The following AFAP1L2 variants were observed in gnomAD, a reference collection of about 807,000 sequenced individuals.
The protein encoded by AFAP1L2 is actin filament-associated protein 1-like 2.
Under a neutral mutation model 99.3 loss-of-function variants are expected in AFAP1L2, and 46 were observed. That is an observed-to-expected ratio of 0.46 (90% confidence interval 0.37 to 0.59). The LOEUF (loss-of-function observed/expected upper bound fraction) is 0.59. Among genes scored for constraint, AFAP1L2 ranks in the 20% least tolerant of loss-of-function variants. The pLI is 0.00. For synonymous variants in AFAP1L2, 397 were observed against 419.1 expected, an observed-to-expected ratio of 0.95 and a Z score of 0.64; for missense variants, 959 against 1,034.9, an observed-to-expected ratio of 0.93 and a Z score of 1.01.
At chr10:114,319,854 C>G (rs1590121051) in intron 5 of AFAP1L2, among the ~76,000 whole-genome samples, 1 of 152,208 alleles carries the variant, frequency 6.6e-6, no homozygotes, top group South Asian at 2.1e-4. Context: ...TAGATCCAGA[C>G]CCCTTCACAT....
chr10:114,307,399 T>C (rs1458137471), intron 10 of AFAP1L2, among the ~76,000 whole-genome samples: 1 of 152,032 alleles, frequency 6.6e-6, no homozygotes, highest in Admixed American at 6.5e-5. Context: ...GATGGCACAG[T>C]GCGTGCTTAT....
At chr10:114,286,482 A>G in the AFAP1L2 span, 1 of 1,589,648 alleles carries the variant, frequency 6.3e-7, no homozygotes, top group South Asian at 1.1e-5. Flanking sequence ...CCTGAGCTGC[A>G]GGGGAAGCTG....
chr10:114,377,051 G>T lies in AFAP1L2; in HGVS notation c.16+27389C>A, dbSNP rs561230182. 4.6e-5 allele frequency among the ~76,000 whole-genome samples: 7 copies of T among 152,220 alleles called. No homozygotes were observed. The East Asian group carries it at 1.4e-3, about 29-fold the overall frequency. On this transcript the variant is annotated intron_variant, in intron 1 of 18. Coordinates refer to ENST00000304129, the MANE Select transcript of AFAP1L2 (RefSeq NM_001001936.3). The surrounding 1 kb of genome is among the most constrained non-coding windows in gnomAD (Gnocchi z 4.0). ...AACTTGGTGTTTTCAAATATCACTG[G>T]GGGCATTATACAAGACAAGGTCATA...
chr10:114,328,712 A>G (rs887804374), intron 4 of AFAP1L2, among the ~76,000 whole-genome samples: 1 of 152,228 alleles, frequency 6.6e-6, no homozygotes, highest in Admixed American at 6.5e-5. Flanking sequence ...AGCCACAGAC[A>G]TGACTCCACC....
At position 114,304,710 on chromosome 10, in the gene AFAP1L2, C is replaced by T. The variant is rs1452917917; in HGVS notation, c.1284+9G>A. 1 of 1,593,994 alleles carries T rather than the reference C, an allele frequency of 6.3e-7. No individual in the cohort carries two copies. Among genetic ancestry groups the T allele is most frequent in the Non-Finnish European group, 8.5e-7 (1 of 1,172,244 alleles). On this transcript the variant is annotated intron_variant, in intron 11 of 18. Coordinates refer to ENST00000304129, the MANE Select transcript of AFAP1L2 (RefSeq NM_001001936.3). Reference sequence around the variant, plus strand: ...GGCTGGCCCTGCTCCCCCTGCAGGCCGGCGGTACCTCAAGCTTGGCCAGCT... The same window carrying T: ...GGCTGGCCCTGCTCCCCCTGCAGGCTGGCGGTACCTCAAGCTTGGCCAGCT...
Position 114,310,576 on chromosome 10 carries a change from G to T in AFAP1L2, c.793-133C>A, listed in dbSNP as rs571435831. The stretch of plus-strand genomic sequence containing the variant: ...AGAGAGAAGATGAATTTCCAAGGAA[G>T]AGGACCCACCCGACCCCAGCCCCAA... On this transcript the variant is annotated intron_variant, in intron 7 of 18. Coordinates refer to ENST00000304129, the MANE Select transcript of AFAP1L2 (RefSeq NM_001001936.3). 1.0e-4 allele frequency: 80 copies of T among 798,216 alleles called. No individual in the cohort carries two copies. The East Asian group carries it at 1.4e-3, about 14-fold the overall frequency. The allele number at this position is 798,216 out of a possible 1,614,324, so 49.4% of individuals were successfully genotyped here. A position where few individuals can be genotyped will look rare whatever the true frequency, so the allele number is the denominator to read the frequency against.
chr10:114,321,215 T>A (rs1469734062), intron 5 of AFAP1L2, among the ~76,000 whole-genome samples: 1 of 152,200 alleles, frequency 6.6e-6, no homozygotes, highest in African/African-American at 2.4e-5. Flanking sequence ...ATTCGAGTGG[T>A]GTACACTGTA....
chr10:114,375,508 A>C (rs1402344568), intron 1 of AFAP1L2, among the ~76,000 whole-genome samples: 1 of 152,262 alleles, frequency 6.6e-6, no homozygotes, highest in Non-Finnish European at 1.5e-5. Context: ...TGTGATACAG[A>C]TCTACCAATG....
chr10:114,319,486 G>C, intron 5 of AFAP1L2: 5 of 1,130,464 alleles, frequency 4.4e-6, no homozygotes, highest in Non-Finnish European at 5.9e-6. Context: ...GGCCACCCTC[G>C]GGACATGCAC....
rs1385508296 is a variant in AFAP1L2, at chr10:114,343,720, G to T, written c.17-2989C>A. On this transcript the variant is annotated intron_variant, in intron 1 of 18. Coordinates refer to ENST00000304129, the MANE Select transcript of AFAP1L2 (RefSeq NM_001001936.3). ...ATGGGCATCACTAGAGGTTGCACCT[G>T]GCAAAAGTTGCCCTGTTGCCCTTGA... 2.6e-4 allele frequency among the ~76,000 whole-genome samples: 39 copies of T among 152,298 alleles called. 1 individual carries two copies. The highest frequency in any genetic ancestry group is 1.5e-5 in the Non-Finnish European group (1 of 68,032).
chr10:114,319,637 C>T lies in AFAP1L2; in HGVS notation c.406+3534G>A, dbSNP rs767646040. The T allele has an allele frequency of 1.0e-5, 13 of 1,289,602 alleles. No individual in the cohort carries two copies. The South Asian group carries it at 1.6e-4, about 16-fold the overall frequency. The allele number at this position is 1,289,602 out of a possible 1,614,324, so 79.9% of individuals were successfully genotyped here. A position where few individuals can be genotyped will look rare whatever the true frequency, so the allele number is the denominator to read the frequency against. ...GGGACTCCAGTGGGGAGAAATCCGCCAGAGTGACCTGCATAACATCCAGGA... is the reference window on the plus strand; with the variant it reads ...GGGACTCCAGTGGGGAGAAATCCGCTAGAGTGACCTGCATAACATCCAGGA... On this transcript the variant is annotated intron_variant, in intron 5 of 18. Transcript: ENST00000304129.
Position 114,389,264 on chromosome 10 carries a change from T to A in AFAP1L2, c.16+15176A>T, listed in dbSNP as rs543211309. 1.1e-4 allele frequency among the ~76,000 whole-genome samples: 17 copies of A among 152,170 alleles called. No individual in the cohort carries two copies. The East Asian group carries it at 2.1e-3, about 19-fold the overall frequency. On this transcript the variant is annotated intron_variant, in intron 1 of 18. Coordinates refer to ENST00000304129, the MANE Select transcript of AFAP1L2 (RefSeq NM_001001936.3). The stretch of plus-strand genomic sequence containing the variant: ...TCTGAATCTCAAAAAAGGATTTTTT[T>A]AAAAAAGAAAGCAACTATTATTTCA...
At chr10:114,401,245 G>A (rs1336055149) in intron 1 of AFAP1L2, among the ~76,000 whole-genome samples, 2 of 152,180 alleles carry the variant, frequency 1.3e-5, no homozygotes, top group East Asian at 3.9e-4. Context: ...CAAGTATGAT[G>A]CAATTTCAGG....
intron 1 of AFAP1L2, among the ~76,000 whole-genome samples, chr10:114,376,891 G>T (rs2054878961): frequency 6.6e-6 from 1 of 152,036 alleles, no homozygotes; most frequent in Admixed American, 6.5e-5. Context: ...GCAGCTTTTG[G>T]GCCTCCCTAG....
rs1015908014 is a variant in AFAP1L2, at chr10:114,386,018, G to A, written c.16+18422C>T. On this transcript the variant is annotated intron_variant, in intron 1 of 18. Coordinates refer to ENST00000304129, the MANE Select transcript of AFAP1L2 (RefSeq NM_001001936.3). Reference sequence around the variant, plus strand: ...GAAGGAACGAGAAGCCAGGGAGCACGGTCACTACCAGATGTGGGCAGCCAG... The same window carrying A: ...GAAGGAACGAGAAGCCAGGGAGCACAGTCACTACCAGATGTGGGCAGCCAG... 7.9e-5 allele frequency among the ~76,000 whole-genome samples: 12 copies of A among 151,998 alleles called. No homozygotes were observed. In the South Asian group the frequency reaches 1.0e-3, roughly 13 times the overall value.
At chr10:114,370,033 T>G (rs888791015) in intron 1 of AFAP1L2, among the ~76,000 whole-genome samples, 1 of 152,210 alleles carries the variant, frequency 6.6e-6, no homozygotes, top group Non-Finnish European at 1.5e-5. Flanking sequence ...CCAGGCCAGC[T>G]GATCCCCCTC....
At chr10:114,325,323 T>C (rs1044019812) in intron 4 of AFAP1L2, among the ~76,000 whole-genome samples, 1 of 152,202 alleles carries the variant, frequency 6.6e-6, no homozygotes, top group Non-Finnish European at 1.5e-5. Flanking sequence ...GTCTGCAGGT[T>C]GCGCAGTGAG....
At chr10:114,281,303 C>T in the AFAP1L2 span, 1 of 152,308 alleles carries the variant, frequency 6.6e-6, no homozygotes, top group African/African-American at 2.4e-5. Context: ...TGAGGAACCG[C>T]TCCTGTGACA....
intron 12 of AFAP1L2, 102 bp from the exon 13 acceptor site, chr10:114,301,567 G>A (rs1564791052): frequency 1.2e-6 from 1 of 843,974 alleles, no homozygotes; most frequent in African/African-American, 1.7e-5. Context: ...CGTGAAAGTG[G>A]TGGCCACACA....
Sources: allele counts gnomAD v4.1 joint callset (sites outside exome capture counted in the v4.1 genomes callset), GRCh38; gene constraint gnomAD v4.1.1; non-coding constraint Gnocchi (gnomAD v3.1); transcripts MANE v1.5; gene names NCBI Gene and HGNC (gene_info 2026-07-23, HGNC 2026-07-21).